Variants in BICRA observed in about 807,000 individuals in gnomAD.
The protein encoded by BICRA is BRD4 interacting chromatin remodeling complex associated protein, also known as BRD4-interacting chromatin-remodeling complex-associated protein.
In BICRA, 31 loss-of-function variants were observed where a neutral mutation model predicts 96.9. The ratio of observed to expected loss-of-function variants is 0.32; its 90% CI spans 0.24 to 0.43. The LOEUF is 0.43. Among genes scored for constraint, BICRA ranks in the 20% least tolerant of loss-of-function variants. The pLI, the probability that BICRA is intolerant of heterozygous loss-of-function variation, is 1.00. For synonymous variants in BICRA, 1,350 were observed against 1,071.8 expected, an observed-to-expected ratio of 1.26 and a Z score of -5.07; for missense variants, 2,283 against 2,190.3, an observed-to-expected ratio of 1.04 and a Z score of -0.84.
chr19:47,659,643 TTTG>T (rs997420464), intron 1 of BICRA, among the ~76,000 whole-genome samples: 2 of 151,632 alleles, frequency 1.3e-5, no homozygotes, highest in African/African-American at 2.4e-5. Flanking sequence ...TCTGGATTCC[TTTG>T]TGCAGTGAAC....
chr19:47,612,714 C>T (rs1286843634), intron 1 of BICRA, among the ~76,000 whole-genome samples: 1 of 151,388 alleles, frequency 6.6e-6, no homozygotes, highest in East Asian at 2.0e-4. Flanking sequence ...TGCCATTTTA[C>T]AGATGGGGAA....
chr19:47,647,363 A>G (rs1048458373), intron 1 of BICRA, among the ~76,000 whole-genome samples: 17 of 151,686 alleles, frequency 1.1e-4, no homozygotes, highest in Non-Finnish European at 2.4e-4. Flanking sequence ...GACCAGCCAG[A>G]CTCTTCCACG....
rs1462048154 is a variant in BICRA, at chr19:47,701,662, C to G, written c.3930C>G (p.Leu1310=). The part of the protein sequence containing the change: ...YEARSRIGLK[L]KIKQEAGLSK... ...CCCGGAGCCGCATCGGGCTCAAGCT[C>G]AAGATCAAGCAGGAAGCCGGGCTCA... The change falls in exon 15 of 15, where the codon CTC becomes CTG. Residue 1310 remains leucine (L), a synonymous_variant. Transcript: ENST00000594866. This position sits in a 1 kb window ranked among gnomAD's most constrained non-coding sequence, Gnocchi z 5.4. 1 of 1,602,540 alleles carries G rather than the reference C, an allele frequency of 6.2e-7. No homozygotes were observed. The highest frequency in any genetic ancestry group is 8.5e-7 in the Non-Finnish European group (1 of 1,175,740).
At chr19:47,664,613 G>C (rs1208922334) in intron 1 of BICRA, among the ~76,000 whole-genome samples, 1 of 152,188 alleles carries the variant, frequency 6.6e-6, no homozygotes, top group African/African-American at 2.4e-5. Context: ...GTAAGCACAG[G>C]GGCTGGTACC....
Position 47,701,695 on chromosome 19 carries a change from C to G in BICRA, c.3963C>G (p.Val1321=). Residue 1321 remains valine (V), a synonymous_variant, in exon 15 of 15, where the codon GTC becomes GTG. Coordinates refer to ENST00000594866, the MANE Select transcript of BICRA (RefSeq NM_001394372.1). The surrounding 1 kb of genome is among the most constrained non-coding windows in gnomAD (Gnocchi z 5.4). ...AGCAGGAAGCCGGGCTCAGCAAGGT[C>G]GTGCACAACACGGCCCTGGACCCCG... ...KIKQEAGLSK[V]VHNTALDPVH... is the part of the protein sequence containing the mutation. 6.2e-7 allele frequency: 1 copy of G among 1,602,984 alleles called. No individual in the cohort carries two copies. Among genetic ancestry groups the G allele is most frequent in the African/African-American group, 1.3e-5 (1 of 74,824 alleles).
chr19:47,620,019 C>T (rs1482628415), intron 1 of BICRA, among the ~76,000 whole-genome samples: 1 of 152,156 alleles, frequency 6.6e-6, no homozygotes, highest in African/African-American at 2.4e-5. Context: ...CTTGCCTCTT[C>T]TAGAATTTCA....
intron 7 of BICRA, among the ~76,000 whole-genome samples, chr19:47,690,606 A>G (rs558548939): frequency 6.6e-6 from 1 of 152,232 alleles, no homozygotes; most frequent in South Asian, 2.1e-4. Context: ...GTAGCTCTGA[A>G]AATACTTAAG....
chr19:47,650,459 G>C (rs542845963), intron 1 of BICRA, among the ~76,000 whole-genome samples: 124 of 152,270 alleles, frequency 8.1e-4, no homozygotes, highest in African/African-American at 2.7e-3. Flanking sequence ...ATTTCACCAT[G>C]TTGACTAGGC....
chr19:47,694,777 C>G (rs555557350), intron 8 of BICRA, 51 bp downstream of exon 8: 1 of 1,098,602 alleles, frequency 9.1e-7, no homozygotes, highest in African/African-American at 1.6e-5. Context: ...CCATCCCACC[C>G]TCTCAGTCTG....
At chr19:47,614,006 T>C (rs749271072) in intron 1 of BICRA, among the ~76,000 whole-genome samples, 1 of 151,938 alleles carries the variant, frequency 6.6e-6, no homozygotes, top group Non-Finnish European at 1.5e-5. Context: ...CCTGAGGGCC[T>C]ACTGTGTGAC....
chr19:47,665,075 T>G (rs909227445), intron 1 of BICRA, among the ~76,000 whole-genome samples: 17 of 144,998 alleles, frequency 1.2e-4, no homozygotes, highest in Non-Finnish European at 1.1e-4. Context: ...TTCAAAAGTT[T>G]CTGAGTGTGG....
At chr19:47,690,792 T>TTGTGTG (rs10603971) in intron 7 of BICRA, among the ~76,000 whole-genome samples, 85 of 150,386 alleles carry the variant, frequency 5.7e-4, no homozygotes, top group African/African-American at 1.7e-3. Flanking sequence ...AATTTGTGGA[T>TTGTGTG]TGTGTGTGTG....
At position 47,675,655 on chromosome 19, in the gene BICRA, G is replaced by A. The variant is rs1374752323; in HGVS notation, c.85-196G>A. ...GGCTCGGGGACTCAGTGCTGGGGAT[G>A]CCTTGGGTTTTAGGCAGGCACCCAA... On this transcript the variant is annotated intron_variant, in intron 4 of 14. Coordinates refer to ENST00000594866, the MANE Select transcript of BICRA (RefSeq NM_001394372.1). The surrounding 1 kb of genome is among the most constrained non-coding windows in gnomAD (Gnocchi z 4.7). Among the ~76,000 whole-genome samples, 1 of 152,214 alleles carries A rather than the reference G, an allele frequency of 6.6e-6. No homozygotes were observed. The highest frequency in any genetic ancestry group is 1.5e-5 in the Non-Finnish European group (1 of 68,042).
intron 1 of BICRA, among the ~76,000 whole-genome samples, chr19:47,655,947 A>G (rs1972610336): frequency 6.6e-6 from 1 of 150,626 alleles, no homozygotes; most frequent in Non-Finnish European, 1.5e-5. Context: ...GAAAGCTATA[A>G]TGTGAGGCTG....
Position 47,701,968 on chromosome 19 carries a change from C to T in BICRA, c.4236C>T (p.Gly1412=), listed in dbSNP as rs1444945397. Residue 1412 remains glycine, a synonymous_variant, in exon 15 of 15, where the codon GGC becomes GGT. Coordinates refer to ENST00000594866, the MANE Select transcript of BICRA (RefSeq NM_001394372.1). This position sits in a 1 kb window ranked among gnomAD's most constrained non-coding sequence, Gnocchi z 5.4. The part of the protein sequence containing the change: ...EGTPAGRARG[G]SPAPLPAKVD... ...CGCCCGCAGGCAGGGCACGGGGAGG[C>T]AGCCCGGCGCCGCTGCCCGCCAAAG... 3 of 1,460,302 alleles carry T rather than the reference C, an allele frequency of 2.1e-6. No homozygotes were observed. Among genetic ancestry groups the T allele is most frequent in the Non-Finnish European group, 1.8e-6 (2 of 1,116,454 alleles). 90.5% of individuals were successfully genotyped at this position (1,460,302 alleles called of 1,614,324 possible).
At chr19:47,649,036 A>G (rs1278965382) in intron 1 of BICRA, among the ~76,000 whole-genome samples, 1 of 152,052 alleles carries the variant, frequency 6.6e-6, no homozygotes, top group Non-Finnish European at 1.5e-5. Context: ...TATTTTTAGT[A>G]CAGACGGGGT....
At chr19:47,633,053 T>C (rs977646483) in intron 1 of BICRA, among the ~76,000 whole-genome samples, 5 of 151,294 alleles carry the variant, frequency 3.3e-5, no homozygotes, top group African/African-American at 1.2e-4. Flanking sequence ...ATTTTGTTGC[T>C]GTCATTAATT....
chr19:47,698,972 G>A lies in BICRA; in HGVS notation c.3405G>A (p.Glu1135=), dbSNP rs1973394875. The change falls in exon 13 of 15, where the codon GAG becomes GAA. Residue 1135 remains glutamate, a synonymous_variant. Coordinates refer to ENST00000594866, the MANE Select transcript of BICRA (RefSeq NM_001394372.1). The surrounding 1 kb of genome is among the most constrained non-coding windows in gnomAD (Gnocchi z 4.8). ...PSPSDYHKVD[E]EFETVSTQLL... ...CTCTTCCCTTCCTCGCAGTGGACGA[G>A]GAGTTTGAGACGGTCTCCACGCAGC... is the stretch of plus-strand genomic sequence containing the variant. 1 of 1,581,628 alleles carries A rather than the reference G, an allele frequency of 6.3e-7. No homozygotes were observed. The highest frequency in any genetic ancestry group is 8.6e-7 in the Non-Finnish European group (1 of 1,164,128).
intron 7 of BICRA, among the ~76,000 whole-genome samples, chr19:47,693,300 A>G (rs1295640937): frequency 6.6e-6 from 1 of 152,216 alleles, no homozygotes; most frequent in African/African-American, 2.4e-5. Context: ...GTGTGACAGA[A>G]CTAGCACCAG....
Sources: gnomAD v4.1 joint callset for allele counts (sites outside exome capture counted in the v4.1 genomes callset) on GRCh38, gnomAD v4.1.1 for gene constraint, Gnocchi (gnomAD v3.1) non-coding constraint, MANE v1.5 for transcripts, NCBI Gene and HGNC (gene_info 2026-07-23, HGNC 2026-07-21) for gene names.